The following DGKB variants were observed in gnomAD, a reference collection of about 807,000 sequenced individuals.
DGKB encodes diacylglycerol kinase beta.
DGKB carries 67 observed loss-of-function variants against 114.3 expected under a neutral mutation model. The observed-to-expected ratio is 0.59, with a 90% CI of 0.48 to 0.72. The LOEUF is 0.72. Among genes scored for constraint, DGKB ranks in the 30% least tolerant of loss-of-function variants. The pLI is 0.00. For synonymous variants in DGKB, 398 were observed against 323.1 expected (o/e 1.23, Z -2.49); for missense variants, 907 against 975.2 (o/e 0.93, Z 0.93).
intron 25 of DGKB, among the ~76,000 whole-genome samples, chr7:14,154,414 T>C (rs1344032782): frequency 6.6e-6 from 1 of 151,976 alleles, no homozygotes; most frequent in Admixed American, 6.6e-5. Context: ...AGGCCCACCA[T>C]TTCCTATCTA....
At chr7:14,277,666 T>C (rs1303719697) in intron 23 of DGKB, among the ~76,000 whole-genome samples, 1 of 152,224 alleles carries the variant, frequency 6.6e-6, no homozygotes, top group African/African-American at 2.4e-5. Flanking sequence ...CATTCATCTG[T>C]TGAACATTTA....
chr7:14,793,093 T>C (rs941733860), intron 2 of DGKB, among the ~76,000 whole-genome samples: 1 of 152,098 alleles, frequency 6.6e-6, no homozygotes, highest in Non-Finnish European at 1.5e-5. Context: ...GCGTATGTAA[T>C]ACACATTTTA....
At chr7:14,584,003 A>G (rs1007725289) in intron 17 of DGKB, among the ~76,000 whole-genome samples, 4 of 152,334 alleles carry the variant, frequency 2.6e-5, no homozygotes, top group African/African-American at 7.2e-5. Context: ...CTACGTACTT[A>G]CGTATACAAA....
rs911581318 is a variant in DGKB at position 14,839,407 on chromosome 7, C to CTT, written c.70+1785_70+1786dup. Among the ~76,000 whole-genome samples, 47 of 130,934 alleles carry CTT rather than the reference C, an allele frequency of 3.6e-4. 1 individual carries two copies. The highest frequency in any genetic ancestry group is 7.5e-4 in the African/African-American group (26 of 34,894). 85.9% of individuals were successfully genotyped at this position (130,934 alleles called of 152,430 possible). ...CTAAATTTTCTTTACTCTTCTTCTT[C>CTT]TTTTTTTTTTTTTTTTTTTGACAGG... On this transcript the variant is annotated intron_variant, in intron 2 of 25. Transcript: ENST00000402815.
At chr7:14,528,989 A>G (rs901490022) in intron 20 of DGKB, among the ~76,000 whole-genome samples, 1 of 152,006 alleles carries the variant, frequency 6.6e-6, no homozygotes. Context: ...GCTAAACCCA[A>G]TCAAGGGGGT....
At position 14,949,254 on chromosome 7, in the gene DGKB, C is replaced by T. The variant is rs190676653; in HGVS notation, c.-188+25442G>A. 8.6e-5 allele frequency among the ~76,000 whole-genome samples: 13 copies of T among 152,000 alleles called. No homozygotes were observed. The East Asian group carries it at 1.6e-3, about 18-fold the overall frequency. ...CAATAAGATGCTAATTTACACTCATCGCCTAAGCAAGTGTCAGCATCACAT... is the reference window on the plus strand; with the variant it reads ...CAATAAGATGCTAATTTACACTCATTGCCTAAGCAAGTGTCAGCATCACAT... On this transcript the variant is annotated intron_variant, in intron 1 of 4. Coordinates refer to the DGKB transcript ENST00000437998.
At chr7:14,582,147 T>G (rs1376562746) in intron 18 of DGKB, among the ~76,000 whole-genome samples, 1 of 152,174 alleles carries the variant, frequency 6.6e-6, no homozygotes, top group Non-Finnish European at 1.5e-5. Context: ...ATTCGTTTTA[T>G]GAAAGGGCCT....
intron 13 of DGKB, among the ~76,000 whole-genome samples, chr7:14,655,935 A>T (rs1290594329): frequency 6.6e-6 from 1 of 151,688 alleles, no homozygotes; most frequent in Non-Finnish European, 1.5e-5. Flanking sequence ...TTACAGCTAG[A>T]CATAATAAAT....
At chr7:14,825,530 T>G (rs2128110189) in intron 2 of DGKB, among the ~76,000 whole-genome samples, 1 of 152,208 alleles carries the variant, frequency 6.6e-6, no homozygotes, top group Non-Finnish European at 1.5e-5. Context: ...CAATAGGGTT[T>G]GTGCTCCCGT....
chr7:14,320,331 T>G (rs1384244708), intron 23 of DGKB, among the ~76,000 whole-genome samples: 2 of 152,192 alleles, frequency 1.3e-5, no homozygotes, highest in Non-Finnish European at 2.9e-5. Context: ...TGTGATTTCA[T>G]TATGGTCACT....
Position 14,656,575 on chromosome 7 carries a change from T to A in DGKB, c.1134+16354A>T, listed in dbSNP as rs904890448. 4.2e-4 allele frequency among the ~76,000 whole-genome samples: 64 copies of A among 151,698 alleles called. 1 individual carries two copies. The highest frequency in any genetic ancestry group is 1.4e-3 in the African/African-American group (57 of 41,470). On this transcript the variant is annotated intron_variant, in intron 13 of 25. Transcript: ENST00000402815. ...CATATATTAAACTAAAAGATTTTCA[T>A]CAGATTTCTTCTTAGCTGAACTTCC...
chr7:14,396,266 AG>A (rs1450004815), intron 21 of DGKB, among the ~76,000 whole-genome samples: 4 of 152,296 alleles, frequency 2.6e-5, no homozygotes, highest in Middle Eastern at 3.4e-3. Flanking sequence ...ATTAATTTCA[AG>A]GTGAAATAAA....
intron 23 of DGKB, among the ~76,000 whole-genome samples, chr7:14,180,010 C>T (rs1329818824): frequency 1.3e-5 from 2 of 152,080 alleles, no homozygotes; most frequent in Admixed American, 1.3e-4. Context: ...GGCTCTATAG[C>T]CTGGGTGTTA....
chr7:14,558,246 T>C (rs1796154918), intron 20 of DGKB, among the ~76,000 whole-genome samples: 1 of 151,666 alleles, frequency 6.6e-6, no homozygotes, highest in South Asian at 2.1e-4. Context: ...ATGAATTTTC[T>C]CTTAGTTTAT....
chr7:14,330,143 AAAAT>A (rs1010719558), intron 23 of DGKB, among the ~76,000 whole-genome samples: 3 of 152,050 alleles, frequency 2.0e-5, no homozygotes, highest in Admixed American at 2.0e-4. Flanking sequence ...TAGAATTTTG[AAAAT>A]AAACAATGTA....
chr7:14,769,006 G>A (rs942043164), intron 2 of DGKB, among the ~76,000 whole-genome samples: 11 of 150,548 alleles, frequency 7.3e-5, no homozygotes, highest in South Asian at 4.2e-4. Context: ...TATCTTAGCC[G>A]TATTTCAGAC....
intron 13 of DGKB, among the ~76,000 whole-genome samples, chr7:14,657,132 A>T (rs893502173): frequency 8.6e-5 from 13 of 151,846 alleles, no homozygotes; most frequent in South Asian, 2.1e-4. Flanking sequence ...ATACACGGAC[A>T]TGCTATGACT....
intron 1 of DGKB, among the ~76,000 whole-genome samples, chr7:14,909,794 T>G (rs146349362): frequency 2.6e-5 from 4 of 152,168 alleles, no homozygotes; most frequent in African/African-American, 9.6e-5. Context: ...TTATAAAACA[T>G]TAGCACATAA....
intron 23 of DGKB, among the ~76,000 whole-genome samples, chr7:14,296,115 T>C (rs56045705): frequency 0.057 from 8,524 of 148,980 alleles, 797 homozygotes; most frequent in African/African-American, 0.2. Flanking sequence ...CACTGCAACC[T>C]CCACCTCCCA....
Sources: gnomAD v4.1 joint callset for allele counts (sites outside exome capture counted in the v4.1 genomes callset) on GRCh38, gnomAD v4.1.1 for gene constraint, MANE v1.5 for transcripts, NCBI Gene and HGNC (gene_info 2026-07-23, HGNC 2026-07-21) for gene names.